The following CSGALNACT1 variants were observed in gnomAD, a reference collection of about 807,000 sequenced individuals.
The protein encoded by CSGALNACT1 is chondroitin sulfate N-acetylgalactosaminyltransferase 1, also known as beta4GalNAcT-1.
A neutral mutation model predicts 51.0 loss-of-function variants in CSGALNACT1; 52 were observed. That is an observed-to-expected ratio of 1.02 (90% CI 0.82 to 1.29). The LOEUF is 1.29. CSGALNACT1 is among the 50% of genes most tolerant of loss of function. The pLI is 0.00. For synonymous variants in CSGALNACT1, 341 were observed against 254.4 expected (o/e 1.34, Z -3.24); for missense variants, 935 against 679.2 (o/e 1.38, Z -4.19).
chr8:19,745,484 T>A lies in CSGALNACT1; in HGVS notation c.-297+12366A>T, dbSNP rs114280194. 3.3e-3 allele frequency among the ~76,000 whole-genome samples: 507 copies of A among 152,310 alleles called. 3 individuals are homozygous for A. The highest frequency in any genetic ancestry group is 0.012 in the African/African-American group (488 of 41,578). On this transcript the variant is annotated intron_variant, in intron 1 of 1. Transcript: ENST00000517494. ...CTAAAGAAACTCCTCAGAACTAATC[T>A]TACCAAGTGTTTCCAGGAAGATCAT...
upstream of CSGALNACT1, among the ~76,000 whole-genome samples, chr8:19,603,211 T>C (rs548466309): frequency 1.3e-5 from 2 of 152,008 alleles, no homozygotes; most frequent in African/African-American, 4.8e-5. Context: ...TAAAGACAGC[T>C]GGTCCCCAGT....
intron 1 of CSGALNACT1, among the ~76,000 whole-genome samples, chr8:19,677,742 G>T (rs1285084408): frequency 6.6e-6 from 1 of 152,168 alleles, no homozygotes. Context: ...GGAAAGGTGA[G>T]ATGTTGAAGG....
At chr8:19,505,826 C>T in exon 4 of CSGALNACT1, 1 of 1,611,258 alleles carries the variant, frequency 6.2e-7, no homozygotes, top group Non-Finnish European at 8.5e-7. Flanking sequence ...CCCGGCGAAC[C>T]ATCATCATTC....
chr8:19,439,434 C>A (rs760665178), intron 6 of CSGALNACT1, among the ~76,000 whole-genome samples: 4 of 152,230 alleles, frequency 2.6e-5, no homozygotes, highest in Non-Finnish European at 5.9e-5. Context: ...CTCTTAGGCT[C>A]TGAAGCTGTG....
At chr8:19,609,312 C>T (rs1384142156) in intron 1 of CSGALNACT1, among the ~76,000 whole-genome samples, 1 of 146,156 alleles carries the variant, frequency 6.8e-6, no homozygotes, top group Admixed American at 7.0e-5. Context: ...TGGATATTGC[C>T]CTCAGGGATC....
At chr8:19,426,182 C>G (rs2058750144) in intron 6 of CSGALNACT1, among the ~76,000 whole-genome samples, 1 of 152,192 alleles carries the variant, frequency 6.6e-6, no homozygotes, top group African/African-American at 2.4e-5. Flanking sequence ...AAAACACAGG[C>G]ACATTTCAGA....
At chr8:19,692,942 A>C (rs977612038) in intron 1 of CSGALNACT1, among the ~76,000 whole-genome samples, 5 of 152,210 alleles carry the variant, frequency 3.3e-5, no homozygotes, top group African/African-American at 1.2e-4. Context: ...AATGCATCTG[A>C]TGCTCTGAGG....
At chr8:19,599,505 AAAGAAAGAAAGAAAG>A (rs2049874097) in intron 2 of CSGALNACT1, among the ~76,000 whole-genome samples, 5 of 140,102 alleles carry the variant, frequency 3.6e-5, no homozygotes, top group African/African-American at 7.6e-5. Context: ...AGAAAGAAAG[AAAGAAAGAAAGAAAG>A]AAAGAAAAGA....
chr8:19,713,816 A>C (rs1201562990), intron 1 of CSGALNACT1, among the ~76,000 whole-genome samples: 2 of 152,196 alleles, frequency 1.3e-5, no homozygotes, highest in African/African-American at 4.8e-5. Context: ...ATTAATTTCA[A>C]TACGTTTTTG....
chr8:19,454,733 A>G (rs979587765), intron 5 of CSGALNACT1, among the ~76,000 whole-genome samples: 5 of 152,198 alleles, frequency 3.3e-5, no homozygotes, highest in African/African-American at 1.2e-4. Context: ...CAGAAAGTGT[A>G]GCTGTGCTGA....
intron 2 of CSGALNACT1, among the ~76,000 whole-genome samples, chr8:19,598,270 T>G (rs1314712701): frequency 6.6e-6 from 1 of 152,206 alleles, no homozygotes; most frequent in East Asian, 1.9e-4. Context: ...CGGATACCCA[T>G]TCATGTGCCA....
At chr8:19,431,799 G>C (rs180871378) in intron 6 of CSGALNACT1, among the ~76,000 whole-genome samples, 1 of 131,248 alleles carries the variant, frequency 7.6e-6, no homozygotes, top group East Asian at 3.3e-4. Context: ...TTCCTCTGTG[G>C]AAAGTTCTTT....
chr8:19,682,646 A>G (rs766463781), upstream of CSGALNACT1: 29 of 453,962 alleles, frequency 6.4e-5, no homozygotes, highest in South Asian at 4.5e-4. Flanking sequence ...TTCAGGCAAC[A>G]ACAGCCAAAA....
intron 1 of CSGALNACT1, chr8:19,688,673 T>C (rs1390994078): frequency 6.6e-6 from 1 of 152,254 alleles, no homozygotes; most frequent in Non-Finnish European, 1.5e-5. Flanking sequence ...TAGATAGGAA[T>C]ATGAAAGCTC....
chr8:19,606,153 A>G (rs1396514321), upstream of CSGALNACT1, among the ~76,000 whole-genome samples: 1 of 152,262 alleles, frequency 6.6e-6, no homozygotes, highest in Non-Finnish European at 1.5e-5. Context: ...CACCATCAGC[A>G]TGCCTAAAAT....
intron 3 of CSGALNACT1, among the ~76,000 whole-genome samples, chr8:19,542,429 C>T (rs1442879010): frequency 1.3e-5 from 2 of 152,140 alleles, no homozygotes; most frequent in African/African-American, 4.8e-5. Context: ...AAACAAGAGG[C>T]TCCATAGTGG....
At chr8:19,681,418 G>T (rs1292923272) in intron 1 of CSGALNACT1, among the ~76,000 whole-genome samples, 2 of 152,094 alleles carry the variant, frequency 1.3e-5, no homozygotes, top group Non-Finnish European at 2.9e-5. Flanking sequence ...CCCCATCGCT[G>T]GCTCCTCCAT....
At chr8:19,418,194 C>T (rs1454314316) in intron 8 of CSGALNACT1, among the ~76,000 whole-genome samples, 1 of 152,144 alleles carries the variant, frequency 6.6e-6, no homozygotes, top group Non-Finnish European at 1.5e-5. Flanking sequence ...TGGGAGCACA[C>T]TGGGAGTTTC....
chr8:19,657,381 G>A (rs1031587130), intron 1 of CSGALNACT1, among the ~76,000 whole-genome samples: 1 of 152,202 alleles, frequency 6.6e-6, no homozygotes. Context: ...GAATGGATCA[G>A]AGGCAAGATG....
Sources: allele counts gnomAD v4.1 joint callset (sites outside exome capture counted in the v4.1 genomes callset), GRCh38; gene constraint gnomAD v4.1.1; transcripts MANE v1.5; gene names NCBI Gene and HGNC (gene_info 2026-07-23, HGNC 2026-07-21).